TIMM44: variants seen among roughly 807,000 people sequenced by gnomAD.
TIMM44 encodes the protein mitochondrial import inner membrane translocase subunit TIM44.
A neutral mutation model predicts 63.8 loss-of-function variants in TIMM44; 37 were observed. That is an observed-to-expected ratio of 0.58 (90% CI 0.45 to 0.76). The LOEUF (loss-of-function observed/expected upper bound fraction) is 0.76. Among genes scored for constraint, TIMM44 ranks in the 30% least tolerant of loss-of-function variants. TIMM44 has a pLI of 0.00. For synonymous variants in TIMM44, 239 were observed against 245.1 expected, an observed-to-expected ratio of 0.98 and a Z score of 0.23; for missense variants, 573 against 603.8, an observed-to-expected ratio of 0.95 and a Z score of 0.54.
intron 2 of TIMM44, 26 bp from the exon 3 acceptor site, chr19:7,938,223 A>G (rs997353599): frequency 3.8e-6 from 6 of 1,594,898 alleles, no homozygotes; most frequent in Non-Finnish European, 5.1e-6. Context: ...AAGAAAAAAA[A>G]TTTAAAGAAC....
At chr19:7,937,877 G>A in intron 3 of TIMM44, 150 bp downstream of exon 3, 1 of 893,760 alleles carries the variant, frequency 1.1e-6, no homozygotes, top group Admixed American at 1.8e-5. Flanking sequence ...AATTAGCTGG[G>A]CGTGGTGGTG....
chr19:7,938,784 G>A (rs1276958276), intron 2 of TIMM44, among the ~76,000 whole-genome samples: 2 of 152,090 alleles, frequency 1.3e-5, no homozygotes, highest in East Asian at 3.8e-4. Context: ...TCCAGTCTGG[G>A]TGACAGAGCG....
intron 1 of TIMM44, among the ~76,000 whole-genome samples, chr19:7,942,941 G>A (rs985455308): frequency 2.7e-5 from 4 of 147,318 alleles, no homozygotes; most frequent in African/African-American, 1.0e-4. Context: ...TGAGGCAGGA[G>A]AATCGCTTGA....
Position 7,927,775 on chromosome 19 carries a change from G to A in TIMM44, c.1129-8C>T, listed in dbSNP as rs1242708190. The A allele has an allele frequency of 5.0e-6, 8 of 1,608,104 alleles. No homozygotes were observed. In the African/African-American group the frequency reaches 6.7e-5, roughly 13 times the overall value. On this transcript the variant is annotated splice_region_variant and splice_polypyrimidine_tract_variant and intron_variant, in intron 11 of 12. Transcript: ENST00000270538. ...CATCTTGCCCATGGCCAGCTGCAGA[G>A]GGGCCGAGAGGGGGGATGTGCCTCA...
intron 9 of TIMM44, 35 bp downstream of exon 9, chr19:7,932,592 C>A: frequency 6.2e-7 from 1 of 1,609,694 alleles, no homozygotes; most frequent in South Asian, 1.1e-5. Context: ...CCAGGACCTG[C>A]CGCCTGGGAG....
intron 12 of TIMM44, 65 bp from the exon 13 acceptor site, chr19:7,927,371 G>GGGCCAGGCTCTGTGGGGC: frequency 1.3e-6 from 2 of 1,587,408 alleles, no homozygotes; most frequent in African/African-American, 2.7e-5. Flanking sequence ...CTCTGGGGGG[G>GGGCCAGGCTCTGTGGGGC]GGCCAGGCTC....
Position 7,927,399 on chromosome 19 carries a change from C to T in TIMM44, c.1240-93G>A, listed in dbSNP as rs1043666182. 2.1e-5 allele frequency: 31 copies of T among 1,471,860 alleles called. No homozygotes were observed. The South Asian group carries it at 3.1e-4, about 15-fold the overall frequency. 91.2% of individuals were successfully genotyped at this position (1,471,860 alleles called of 1,614,324 possible). On this transcript the variant is annotated intron_variant, in intron 12 of 12. Coordinates refer to ENST00000270538, the MANE Select transcript of TIMM44 (RefSeq NM_006351.4). ...CCAGGCTCTGTGGGGCAGGAGCCAC[C>T]GGCAACTTCCCCAGGGGCTGGGAGC...
rs34837363 is a variant in TIMM44, at chr19:7,935,095, C to T, written c.363G>A (p.Lys121=). ...TCACGGTGCCCGTCAGCTCCCCAAG[C>T]TTCTTCCGTAGCACCTCGCTCGTCC... ...TVRTSEVLRK[K]LGELTGTVKE... Residue 121 remains lysine (K), a synonymous_variant, in exon 4 of 13, where the codon AAG becomes AAA. Transcript: ENST00000270538. 1.0e-3 allele frequency: 1,639 copies of T among 1,613,626 alleles called. 13 individuals are homozygous for T. The African/African-American group carries it at 0.02, about 19-fold the overall frequency.
At position 7,935,139 on chromosome 19, in the gene TIMM44, T is replaced by C. The variant is rs766690960; in HGVS notation, c.319A>G (p.Ile107Val). The C allele has an allele frequency of 6.2e-7, 1 of 1,610,842 alleles. No individual in the cohort carries two copies. Among genetic ancestry groups the C allele is most frequent in the Non-Finnish European group, 8.5e-7 (1 of 1,178,278 alleles). Residue 107 changes from isoleucine (I) to valine (V), a missense_variant, in exon 4 of 13, where the codon ATC (isoleucine) becomes GTC (valine). By Grantham distance (29) the Ile-to-Val change is conservative. Transcript: ENST00000270538. ...CTCGTCCGCACGGTTTCTGACTCGATGGTTTTCTAGGTAAAGAGCGCTGTG... is the reference window on the plus strand; with the variant it reads ...CTCGTCCGCACGGTTTCTGACTCGACGGTTTTCTAGGTAAAGAGCGCTGTG... ...LQEARRKYKT[I>V]ESETVRTSEV...
intron 2 of TIMM44, 138 bp downstream of exon 2, chr19:7,940,964 G>A: frequency 1.4e-6 from 1 of 717,024 alleles, no homozygotes. Flanking sequence ...CTGTCATTCT[G>A]AAAGCCCCGG....
At chr19:7,941,391 G>C (rs533008321) in intron 1 of TIMM44, among the ~76,000 whole-genome samples, 194 bp from the exon 2 acceptor site, 2 of 151,384 alleles carry the variant, frequency 1.3e-5, no homozygotes, top group Admixed American at 6.6e-5. Flanking sequence ...GGGTTCAAGC[G>C]ATTCTCCTGC....
At chr19:7,941,659 G>A (rs2145182648) in intron 1 of TIMM44, among the ~76,000 whole-genome samples, 1 of 151,932 alleles carries the variant, frequency 6.6e-6, no homozygotes, top group South Asian at 2.1e-4. Flanking sequence ...AGTCTGAGAA[G>A]CAAGCAGAAG....
intron 10 of TIMM44, among the ~76,000 whole-genome samples, chr19:7,929,488 C>T (rs1019156935): frequency 2.0e-5 from 3 of 152,320 alleles, no homozygotes; most frequent in Admixed American, 1.3e-4. Context: ...CCCGGGTCAC[C>T]GATGAAAGCT....
Position 7,934,262 on chromosome 19 carries a change from G to A in TIMM44, c.394-24C>T, listed in dbSNP as rs760328513. On this transcript the variant is annotated intron_variant, in intron 4 of 12. Coordinates refer to ENST00000270538, the MANE Select transcript of TIMM44 (RefSeq NM_006351.4). The surrounding 1 kb of genome is among the most constrained non-coding windows in gnomAD (Gnocchi z 5.3). ...CTCTACTGAGACAGACACAGAGAGG[G>A]GGCGTTGGCACCGGCCCTGGCGGCC... is the stretch of plus-strand genomic sequence containing the variant. 3.1e-6 allele frequency: 5 copies of A among 1,609,302 alleles called. No individual in the cohort carries two copies. The highest frequency in any genetic ancestry group is 3.4e-6 in the Non-Finnish European group (4 of 1,179,946).
chr19:7,934,836 A>T lies in TIMM44; in HGVS notation c.393+229T>A, dbSNP rs1214526485. 6.6e-6 allele frequency among the ~76,000 whole-genome samples: 1 copy of T among 152,166 alleles called. No homozygotes were observed. Among genetic ancestry groups the T allele is most frequent in the Non-Finnish European group, 1.5e-5 (1 of 68,018 alleles). ...ATGTTCTCCTCGAGTCCTGGCTAGC[A>T]GCACTTACTGCTGCCGACTCCCTGG... On this transcript the variant is annotated intron_variant, in intron 4 of 12. Coordinates refer to ENST00000270538, the MANE Select transcript of TIMM44 (RefSeq NM_006351.4). The surrounding 1 kb of genome is among the most constrained non-coding windows in gnomAD (Gnocchi z 5.3).
chr19:7,928,468 G>A, intron 10 of TIMM44: 1 of 431,546 alleles, frequency 2.3e-6, no homozygotes, highest in East Asian at 4.3e-5. Context: ...TAAGCTGGCG[G>A]CCCCTTGGCT....
At position 7,933,320 on chromosome 19, in the gene TIMM44, A is replaced by C. The variant is rs1341386103; in HGVS notation, c.769+165T>G. On this transcript the variant is annotated intron_variant, in intron 7 of 12. Coordinates refer to ENST00000270538, the MANE Select transcript of TIMM44 (RefSeq NM_006351.4). This position sits in a 1 kb window ranked among gnomAD's most constrained non-coding sequence, Gnocchi z 4.3. Reference sequence around the variant, plus strand: ...CACCTGGCTTCTGGCGGCAGAATCTACAGCCCCACCATCATGTGACCGCAA... The same window carrying C: ...CACCTGGCTTCTGGCGGCAGAATCTCCAGCCCCACCATCATGTGACCGCAA... 6.6e-6 allele frequency among the ~76,000 whole-genome samples: 1 copy of C among 151,988 alleles called. No individual in the cohort carries two copies. Among genetic ancestry groups the C allele is most frequent in the Non-Finnish European group, 1.5e-5 (1 of 67,988 alleles).
At chr19:7,928,378 C>G (rs1788758544) in intron 10 of TIMM44, 1 of 575,594 alleles carries the variant, frequency 1.7e-6, no homozygotes, top group Non-Finnish European at 3.1e-6. Flanking sequence ...ACACTCTATC[C>G]AGATGACCCA....
In TIMM44 at chr19:7,935,081, G is replaced by A. The variant is rs765641900; in HGVS notation, c.377C>T (p.Thr126Met). 1.1e-5 allele frequency: 17 copies of A among 1,613,194 alleles called. No individual in the cohort carries two copies. The highest frequency in any genetic ancestry group is 2.2e-5 in the South Asian group (2 of 90,920). Reference protein sequence around the residue: ...EVLRKKLGELTGTVKESLHEV... With the variant: ...EVLRKKLGELMGTVKESLHEV... ...AACTGTTACCTCCTTCACGGTGCCC[G>A]TCAGCTCCCCAAGCTTCTTCCGTAG... Residue 126 changes from threonine (T) to methionine (M), a missense_variant, in exon 4 of 13, where the codon ACG becomes ATG. Thr to Met is a moderately conservative substitution (Grantham distance 81). Transcript: ENST00000270538.
Sources: gnomAD v4.1 joint callset for allele counts (sites outside exome capture counted in the v4.1 genomes callset) on GRCh38, gnomAD v4.1.1 for gene constraint, Gnocchi (gnomAD v3.1) non-coding constraint, MANE v1.5 for transcripts, NCBI Gene and HGNC (gene_info 2026-07-23, HGNC 2026-07-21) for gene names.